The following BCKDHB variants were observed in gnomAD, a reference collection of about 807,000 sequenced individuals.
BCKDHB encodes 2-oxoisovalerate dehydrogenase subunit beta, mitochondrial.
In BCKDHB, 41 loss-of-function variants were observed where a neutral mutation model predicts 48.5. That is an observed-to-expected ratio of 0.85 (90% CI 0.66 to 1.10). The LOEUF is 1.10. Among genes scored for constraint, BCKDHB ranks in the 50% least tolerant of loss-of-function variants. The pLI is 0.00. For missense variants in BCKDHB, 496 were observed against 494.2 expected, an observed-to-expected ratio of 1.00 and a Z score of -0.03; for synonymous variants, 201 against 174.8, an observed-to-expected ratio of 1.15 and a Z score of -1.18.
intron 3 of BCKDHB, among the ~76,000 whole-genome samples, chr6:80,131,873 C>A (rs1036307141): frequency 6.6e-6 from 1 of 152,030 alleles, no homozygotes; most frequent in Non-Finnish European, 1.5e-5. Context: ...AAACTCCTGA[C>A]CTTGTGATCC....
intron 6 of BCKDHB, among the ~76,000 whole-genome samples, chr6:80,175,261 C>T (rs1271140840): frequency 6.6e-6 from 1 of 152,182 alleles, no homozygotes; most frequent in Non-Finnish European, 1.5e-5. Context: ...TTGAAGATTG[C>T]ACACATTAAA....
chr6:80,325,203 T>C (rs138116364), intron 9 of BCKDHB, among the ~76,000 whole-genome samples: 3 of 152,298 alleles, frequency 2.0e-5, no homozygotes, highest in Non-Finnish European at 4.4e-5. Flanking sequence ...GTTTATTAAC[T>C]TAAACACTGT....
the BCKDHB span, among the ~76,000 whole-genome samples, chr6:80,379,240 A>G: frequency 6.6e-6 from 1 of 152,058 alleles, no homozygotes; most frequent in African/African-American, 2.4e-5. Flanking sequence ...AAATCCATCA[A>G]AATCACATGG....
intron 1 of BCKDHB, among the ~76,000 whole-genome samples, chr6:80,115,793 C>T (rs1447705477): frequency 4.6e-5 from 7 of 151,980 alleles, no homozygotes; most frequent in African/African-American, 1.2e-4. Context: ...CCTGCCACCA[C>T]GCCTGGCTAA....
the BCKDHB span, among the ~76,000 whole-genome samples, chr6:80,427,600 G>A: frequency 6.6e-6 from 1 of 152,030 alleles, no homozygotes; most frequent in African/African-American, 2.4e-5. Flanking sequence ...CATTCTGCCT[G>A]AATATTTCCT....
At chr6:80,173,624 T>C (rs1773019190) in intron 6 of BCKDHB, among the ~76,000 whole-genome samples, 1 of 152,144 alleles carries the variant, frequency 6.6e-6, no homozygotes, top group South Asian at 2.1e-4. Context: ...TGATCCATGC[T>C]CAAGTTTGCG....
At chr6:80,398,299 T>C in the BCKDHB span, among the ~76,000 whole-genome samples, 2 of 151,488 alleles carry the variant, frequency 1.3e-5, no homozygotes, top group Non-Finnish European at 3.0e-5. Flanking sequence ...GATTGGTTTA[T>C]TAAAAAAAAA....
the BCKDHB span, among the ~76,000 whole-genome samples, chr6:80,392,341 A>G: frequency 2.6e-5 from 4 of 151,404 alleles, no homozygotes; most frequent in South Asian, 6.2e-4. Flanking sequence ...AGCTCAGAAT[A>G]TTTTGTTCTA....
intron 1 of BCKDHB, among the ~76,000 whole-genome samples, chr6:80,119,813 G>C (rs183518696): frequency 2.8e-4 from 42 of 152,008 alleles, no homozygotes; most frequent in African/African-American, 8.2e-4. Flanking sequence ...GATCTGTGAG[G>C]CACAGAATTG....
At chr6:80,136,787 A>G (rs1367545588) in intron 3 of BCKDHB, among the ~76,000 whole-genome samples, 1 of 152,164 alleles carries the variant, frequency 6.6e-6, no homozygotes, top group African/African-American at 2.4e-5. Flanking sequence ...AAATAAGCAA[A>G]GGACTTGCAT....
chr6:80,247,380 T>C (rs1487567659), intron 8 of BCKDHB, among the ~76,000 whole-genome samples: 1 of 152,244 alleles, frequency 6.6e-6, no homozygotes, highest in Non-Finnish European at 1.5e-5. Flanking sequence ...ACCTGAGTTA[T>C]TTCACACAAG....
At chr6:80,137,189 CTTAT>C (rs1352138307) in intron 3 of BCKDHB, among the ~76,000 whole-genome samples, 3 of 152,012 alleles carry the variant, frequency 2.0e-5, no homozygotes, top group Non-Finnish European at 4.4e-5. Flanking sequence ...TTTAGTTTTT[CTTAT>C]TTATTACTTT....
chr6:80,342,528 C>T (rs115687781), intron 9 of BCKDHB, among the ~76,000 whole-genome samples: 2,265 of 114,602 alleles, frequency 0.02, 82 homozygotes, highest in African/African-American at 0.068. Flanking sequence ...TGAGACCAGC[C>T]TGGGCAACAT....
At chr6:80,341,562 G>A (rs1582596755) in intron 9 of BCKDHB, among the ~76,000 whole-genome samples, 1 of 152,176 alleles carries the variant, frequency 6.6e-6, no homozygotes, top group African/African-American at 2.4e-5. Context: ...GGAGTTAGGA[G>A]CATTGCTATT....
chr6:80,377,555 T>G, the BCKDHB span, among the ~76,000 whole-genome samples: 1 of 152,224 alleles, frequency 6.6e-6, no homozygotes, highest in Non-Finnish European at 1.5e-5. Flanking sequence ...ATTTCATTCT[T>G]TTGCATGCAA....
intron 9 of BCKDHB, among the ~76,000 whole-genome samples, chr6:80,329,766 C>A (rs1442640904): frequency 2.0e-5 from 3 of 152,108 alleles, no homozygotes; most frequent in Non-Finnish European, 4.4e-5. Context: ...GTTTCTCCTT[C>A]TCAAATGACA....
intron 3 of BCKDHB, among the ~76,000 whole-genome samples, chr6:80,140,409 T>C (rs1270261385): frequency 6.6e-6 from 1 of 152,216 alleles, no homozygotes; most frequent in East Asian, 1.9e-4. Context: ...CTTCCAGTTT[T>C]TGTCCATTCA....
intron 6 of BCKDHB, among the ~76,000 whole-genome samples, chr6:80,191,713 G>A (rs1381532170): frequency 1.3e-5 from 2 of 152,098 alleles, no homozygotes; most frequent in Non-Finnish European, 2.9e-5. Flanking sequence ...AGACACCAGA[G>A]AAGGTGTCTC....
At chr6:80,300,172 C>A (rs1051395415) in intron 9 of BCKDHB, among the ~76,000 whole-genome samples, 70 of 152,038 alleles carry the variant, frequency 4.6e-4, no homozygotes, top group African/African-American at 1.7e-3. Flanking sequence ...CCACCTCAGC[C>A]TCCCAAATAG....
Sources: gnomAD v4.1 joint callset for allele counts (sites outside exome capture counted in the v4.1 genomes callset) on GRCh38, gnomAD v4.1.1 for gene constraint, MANE v1.5 for transcripts, NCBI Gene and HGNC (gene_info 2026-07-23, HGNC 2026-07-21) for gene names.